EXOC4: variants seen among roughly 807,000 people sequenced by gnomAD.
The protein encoded by EXOC4 is SEC8-like 1.
A neutral mutation model predicts 107.2 loss-of-function variants in EXOC4; 71 were observed. The ratio of observed to expected loss-of-function variants is 0.66; its 90% confidence interval spans 0.55 to 0.81. The LOEUF is 0.81. Ranked by LOEUF, EXOC4 falls within the 30% of genes least tolerant of loss-of-function variation. The pLI, the probability that EXOC4 is intolerant of heterozygous loss-of-function variation, is 0.00. For synonymous variants in EXOC4, 456 were observed against 441.2 expected (o/e 1.03, Z -0.42); for missense variants, 1,108 against 1,189.6 (o/e 0.93, Z 1.01).
chr7:133,730,821 T>A (rs727834), intron 10 of EXOC4, among the ~76,000 whole-genome samples: 2 of 152,152 alleles, frequency 1.3e-5, no homozygotes, highest in Non-Finnish European at 2.9e-5. Flanking sequence ...TGGATTAACT[T>A]GCAATAACAG....
chr7:133,614,711 T>C (rs919302215), intron 9 of EXOC4, among the ~76,000 whole-genome samples: 1 of 147,200 alleles, frequency 6.8e-6, no homozygotes, highest in African/African-American at 2.5e-5. Context: ...GAGAAAACTG[T>C]GTTCAGATAT....
chr7:134,049,218 C>G (rs1457396966), intron 17 of EXOC4, among the ~76,000 whole-genome samples: 1 of 151,948 alleles, frequency 6.6e-6, no homozygotes, highest in Non-Finnish European at 1.5e-5. Flanking sequence ...GTTAAAATAC[C>G]TTCTTTTATC....
intron 9 of EXOC4, among the ~76,000 whole-genome samples, chr7:133,535,784 A>G (rs141695391): frequency 1.7e-3 from 258 of 152,322 alleles, no homozygotes; most frequent in African/African-American, 6.0e-3. Context: ...TCTCAAGGCT[A>G]GTGGTACACG....
chr7:134,055,021 C>G (rs1015758170), intron 17 of EXOC4, among the ~76,000 whole-genome samples: 14 of 152,136 alleles, frequency 9.2e-5, no homozygotes, highest in Admixed American at 2.6e-4. Context: ...CATAAATTAC[C>G]TAAGGATTTA....
chr7:133,610,378 A>C (rs907779766), intron 9 of EXOC4, among the ~76,000 whole-genome samples: 8 of 152,226 alleles, frequency 5.3e-5, no homozygotes, highest in Admixed American at 1.3e-4. Flanking sequence ...GTTTCAGGGA[A>C]GAAACTGTCT....
intron 6 of EXOC4, among the ~76,000 whole-genome samples, chr7:133,360,941 T>C (rs1328101813): frequency 6.6e-6 from 1 of 152,166 alleles, no homozygotes; most frequent in Non-Finnish European, 1.5e-5. Context: ...TGTGTATCTT[T>C]ATATATATTT....
chr7:133,412,278 G>GTTTTTTTTTT lies in EXOC4; in HGVS notation c.1182+37290_1182+37299dup, dbSNP rs35334259. On this transcript the variant is annotated intron_variant, in intron 7 of 17. Transcript: ENST00000253861. ...ATCTGGTCAATACTGTCAGAATTCA[G>GTTTTTTTTTT]TTTTTTTTTTTTTTTTTTTTTTTGC... Among the ~76,000 whole-genome samples, 38 of 71,480 alleles carry GTTTTTTTTTT rather than the reference G, an allele frequency of 5.3e-4. 2 individuals carry two copies. Among genetic ancestry groups the GTTTTTTTTTT allele is most frequent in the Non-Finnish European group, 6.3e-4 (26 of 41,022 alleles). 46.9% of individuals were successfully genotyped at this position (71,480 alleles called of 152,430 possible).
At chr7:133,489,592 C>T (rs1258161055) in intron 9 of EXOC4, among the ~76,000 whole-genome samples, 1 of 152,190 alleles carries the variant, frequency 6.6e-6, no homozygotes, top group East Asian at 1.9e-4. Flanking sequence ...CCATCATCCT[C>T]CATCTGGGAT....
chr7:133,699,120 GA>G (rs1294050498), intron 10 of EXOC4, among the ~76,000 whole-genome samples: 1 of 152,158 alleles, frequency 6.6e-6, no homozygotes, highest in East Asian at 1.9e-4. Flanking sequence ...AATCTTAAGA[GA>G]GGGATATATT....
Position 133,663,127 on chromosome 7 carries a change from C to T in EXOC4, c.1514+32986C>T, listed in dbSNP as rs577766208. Among the ~76,000 whole-genome samples the T allele has an allele frequency of 2.6e-5, 4 of 152,288 alleles. No individual in the cohort carries two copies. The South Asian group carries it at 8.3e-4, about 32-fold the overall frequency. On this transcript the variant is annotated intron_variant, in intron 10 of 17. Coordinates refer to ENST00000253861, the MANE Select transcript of EXOC4 (RefSeq NM_021807.4). Reference sequence around the variant, plus strand: ...CCACCATTGTGACCAGCTATTCTGACTTGTTGCTAAATCCATCTATAGTAT... The same window carrying T: ...CCACCATTGTGACCAGCTATTCTGATTTGTTGCTAAATCCATCTATAGTAT...
At chr7:133,835,691 G>A (rs1179588818) in intron 11 of EXOC4, among the ~76,000 whole-genome samples, 2 of 152,088 alleles carry the variant, frequency 1.3e-5, no homozygotes, top group South Asian at 4.1e-4. Flanking sequence ...TAGTCCCTGG[G>A]TAAGTATATT....
chr7:133,320,990 A>G (rs1463979478), intron 5 of EXOC4, among the ~76,000 whole-genome samples: 1 of 152,198 alleles, frequency 6.6e-6, no homozygotes, highest in Non-Finnish European at 1.5e-5. Context: ...CCTAGAAAGT[A>G]ATAGCCGTTT....
intron 12 of EXOC4, among the ~76,000 whole-genome samples, chr7:133,911,656 A>AT (rs1280259084): frequency 1.3e-5 from 2 of 152,142 alleles, no homozygotes; most frequent in Non-Finnish European, 2.9e-5. Context: ...ACCTAACCTA[A>AT]TTTTTTTATT....
chr7:133,876,553 C>T (rs1798853620), intron 11 of EXOC4, among the ~76,000 whole-genome samples: 1 of 151,804 alleles, frequency 6.6e-6, no homozygotes. Flanking sequence ...TGTTCTACTT[C>T]TTTTTTTCTC....
At chr7:133,529,320 C>T (rs984906859) in intron 9 of EXOC4, among the ~76,000 whole-genome samples, 2 of 152,134 alleles carry the variant, frequency 1.3e-5, no homozygotes, top group Non-Finnish European at 2.9e-5. Context: ...ATATTAAGGA[C>T]AGATTTTCAC....
At chr7:134,028,489 A>G (rs1795196015) in intron 17 of EXOC4, among the ~76,000 whole-genome samples, 1 of 152,266 alleles carries the variant, frequency 6.6e-6, no homozygotes, top group South Asian at 2.1e-4. Context: ...TGTGAGAATA[A>G]CATGTGGGAA....
intron 4 of EXOC4, 88 bp downstream of exon 4, chr7:133,306,149 AT>A: frequency 1.7e-6 from 2 of 1,173,320 alleles, no homozygotes; most frequent in Non-Finnish European, 2.4e-6. Flanking sequence ...GTTGTAATTT[AT>A]TTTACTTTTC....
At chr7:133,855,118 T>TATATAAATATATATATAAATATATATAA in intron 11 of EXOC4, among the ~76,000 whole-genome samples, 1 of 94,896 alleles carries the variant, frequency 1.1e-5, no homozygotes. Flanking sequence ...TATATAAATA[T>TATATAAATATATATATAAATATATATAA]ATATATATAA....
chr7:133,275,019 A>G lies in EXOC4; in HGVS notation c.124A>G (p.Asn42Asp). Residue 42 changes from asparagine (N) to aspartate (D), a missense_variant, in exon 2 of 18, where the codon AAT (asparagine) becomes GAT (aspartate). Coordinates refer to ENST00000253861, the MANE Select transcript of EXOC4 (RefSeq NM_021807.4). ...TAGTGACGATGTCGAAGACAGGGAA[A>G]ATGAAAAGGGTCGCCTTGAAGAAGC... The part of the protein sequence containing the change: ...STSDDVEDRE[N>D]EKGRLEEAYE... The G allele has an allele frequency of 6.2e-7, 1 of 1,613,224 alleles. No homozygotes were observed. The highest frequency in any genetic ancestry group is 8.5e-7 in the Non-Finnish European group (1 of 1,179,484).
Sources: allele counts gnomAD v4.1 joint callset (sites outside exome capture counted in the v4.1 genomes callset), GRCh38; gene constraint gnomAD v4.1.1; transcripts MANE v1.5; gene names NCBI Gene and HGNC (gene_info 2026-07-23, HGNC 2026-07-21).